Variants in C11orf21 observed in about 807,000 individuals in gnomAD.
C11orf21 encodes uncharacterized protein C11orf21.
Under a neutral mutation model 15.2 loss-of-function variants are expected in C11orf21, and 19 were observed. That is an observed-to-expected ratio of 1.25 (90% CI 0.87 to 1.84). The LOEUF is 1.84. Among genes scored for constraint, C11orf21 ranks in the 40% most tolerant of loss-of-function variants. The probability of loss-of-function intolerance (pLI) is 0.00; values close to 1 mark genes in which losing one functional copy is unlikely to be tolerated. For missense variants in C11orf21, 171 were observed against 174.4 expected (o/e 0.98, Z 0.11); for synonymous variants, 62 against 66.8 (o/e 0.93, Z 0.35).
At position 2,300,587 on chromosome 11, in the gene C11orf21, G is replaced by C; in HGVS notation, c.80C>G (p.Ser27Ter). 3 of 1,550,206 alleles carry C rather than the reference G, an allele frequency of 1.9e-6. No individual in the cohort carries two copies. The highest frequency in any genetic ancestry group is 2.6e-6 in the Non-Finnish European group (3 of 1,146,726). ...RSAVPRWPHL[S>*]SQSGVEPPDR... ...AGGGGGTTCGACGCCACTTTGAGATGACAAGTGAGGCCACCTGGGCACAGC... is the reference window on the plus strand; with the variant it reads ...AGGGGGTTCGACGCCACTTTGAGATCACAAGTGAGGCCACCTGGGCACAGC... Residue 27 changes from serine to a stop codon, truncating the protein, a stop_gained, in exon 2 of 4, where the codon TCA (serine) becomes TGA (stop). Coordinates refer to ENST00000381153, the MANE Select transcript of C11orf21 (RefSeq NM_001329958.2). LOFTEE classifies it high-confidence loss of function.
intron 1 of C11orf21, 89 bp downstream of exon 1, chr11:2,301,667 G>T: frequency 9.3e-7 from 1 of 1,069,726 alleles, no homozygotes; most frequent in Non-Finnish European, 1.3e-6. Flanking sequence ...CAATAATGAT[G>T]TTCCAAGGAG....
In C11orf21 at chr11:2,297,162, AC is replaced by A. The variant is rs1847544584; in HGVS notation, c.*787del. 6.6e-6 allele frequency: 1 copy of A among 152,376 alleles called. No individual in the cohort carries two copies. Among genetic ancestry groups the A allele is most frequent in the African/African-American group, 2.4e-5 (1 of 41,462 alleles). 9.4% of individuals were successfully genotyped at this position (152,376 alleles called of 1,614,324 possible). ...GCTCCCGAGACCCCTCACTGGGGACACAGGGGGGCCCTGCAGCCAGGGTGTC... is the reference window on the plus strand; with the variant it reads ...GCTCCCGAGACCCCTCACTGGGGACAAGGGGGGCCCTGCAGCCAGGGTGTC... On this transcript the variant is annotated 3_prime_UTR_variant, in exon 4 of 4. Transcript: ENST00000381153.
chr11:2,299,669 T>A lies in C11orf21; in HGVS notation c.186A>T (p.Gln62His), dbSNP rs1230011882. Reference protein sequence around the residue: ...PGSMMPPAAAQPSAHGALVPP... With the variant: ...PGSMMPPAAAHPSAHGALVPP... The stretch of plus-strand genomic sequence containing the variant: ...GAACAAGGGCACCATGGGCGGAGGG[T>A]TGGGCAGCTGCAGGTGGCATCATTG... The change falls in exon 3 of 4, where the codon CAA (glutamine) becomes CAT (histidine). Residue 62 changes from glutamine to histidine, a missense_variant. Coordinates refer to ENST00000381153, the MANE Select transcript of C11orf21 (RefSeq NM_001329958.2). 1.7e-5 allele frequency: 27 copies of A among 1,550,714 alleles called. No individual in the cohort carries two copies. The highest frequency in any genetic ancestry group is 2.3e-5 in the Non-Finnish European group (26 of 1,146,820).
Position 2,296,566 on chromosome 11 carries a change from C to A in C11orf21, c.*1384G>T, listed in dbSNP as rs531347006. 1 of 152,352 alleles carries A rather than the reference C, an allele frequency of 6.6e-6. No individual in the cohort carries two copies. Among genetic ancestry groups the A allele is most frequent in the Non-Finnish European group, 1.5e-5 (1 of 68,050 alleles). The allele number at this position is 152,352 out of a possible 1,614,324, so 9.4% of individuals were successfully genotyped here. A position where few individuals can be genotyped will look rare whatever the true frequency, so the allele number is the denominator to read the frequency against. On this transcript the variant is annotated 3_prime_UTR_variant, in exon 4 of 4. Coordinates refer to ENST00000381153, the MANE Select transcript of C11orf21 (RefSeq NM_001329958.2). This position sits in a 1 kb window ranked among gnomAD's most constrained non-coding sequence, Gnocchi z 5.6. Reference sequence around the variant, plus strand: ...ATGGCTGCAGGTCCCTGAGGGGAGACTGGGGAAAGAAGAATAATGTAAATT... The same window carrying A: ...ATGGCTGCAGGTCCCTGAGGGGAGAATGGGGAAAGAAGAATAATGTAAATT...
upstream of C11orf21, chr11:2,303,028 C>G (rs1301920535): frequency 7.2e-7 from 1 of 1,386,442 alleles, no homozygotes; most frequent in African/African-American, 1.4e-5. Flanking sequence ...ACGAGCCCAG[C>G]TGGACGCCTC....
rs868343705 is a variant in C11orf21, at chr11:2,300,517, G to C, written c.147+3C>G. 4.7e-5 allele frequency: 73 copies of C among 1,545,556 alleles called. No individual in the cohort carries two copies. The Middle Eastern group carries it at 1.0e-3, about 22-fold the overall frequency. ...GGCACAGTGAGGGGGGCTGTGGTCA[G>C]ACCTGGTCTCTGGAGGGCCAGCCGG... On this transcript the variant is annotated splice_donor_region_variant and intron_variant, in intron 2 of 3. Transcript: ENST00000381153.
upstream of C11orf21, chr11:2,302,119 G>A (rs375516709): frequency 4.0e-6 from 6 of 1,483,700 alleles, no homozygotes; most frequent in Non-Finnish European, 5.4e-6. Context: ...GAGGGGAAGG[G>A]AGGGGAGGAG....
At chr11:2,299,326 GA>G in intron 3 of C11orf21, 101 bp downstream of exon 3, 1 of 1,266,302 alleles carries the variant, frequency 7.9e-7, no homozygotes, top group Non-Finnish European at 1.1e-6. Flanking sequence ...CACTCGCTGT[GA>G]CGCAGGTGGG....
chr11:2,299,651 G>A lies in C11orf21; in HGVS notation c.204C>T (p.Ala68=). The stretch of plus-strand genomic sequence containing the variant: ...CATGAGCGGTGGCAGGTGGAACAAG[G>A]GCACCATGGGCGGAGGGTTGGGCAG... ...PAAAQPSAHG[A]LVPPATAHEP... Residue 68 remains alanine (A), a synonymous_variant, in exon 3 of 4, where the codon GCC becomes GCT. Coordinates refer to ENST00000381153, the MANE Select transcript of C11orf21 (RefSeq NM_001329958.2). 6.4e-7 allele frequency: 1 copy of A among 1,551,188 alleles called. No homozygotes were observed. The highest frequency in any genetic ancestry group is 1.2e-5 in the South Asian group (1 of 84,058).
rs113212744 is a variant in C11orf21, at chr11:2,301,867, C to T, written c.-59G>A. The T allele has an allele frequency of 4.5e-6, 7 of 1,549,866 alleles. No individual in the cohort carries two copies. The highest frequency in any genetic ancestry group is 2.7e-5 in the African/African-American group (2 of 73,164). On this transcript the variant is annotated 5_prime_UTR_variant, in exon 1 of 4. Transcript: ENST00000381153. ...CACACCAAGAACGAGGCCATGTCTTCCTGGGAAGGGCCTCAGATGTCAGCA... is the reference window on the plus strand; with the variant it reads ...CACACCAAGAACGAGGCCATGTCTTTCTGGGAAGGGCCTCAGATGTCAGCA...
intron 2 of C11orf21, among the ~76,000 whole-genome samples, chr11:2,300,099 G>GGA: frequency 9.1e-6 from 1 of 109,920 alleles, no homozygotes; most frequent in Non-Finnish European, 2.0e-5. Context: ...GGGGTGGGCA[G>GGA]GGGTTTGTGA....
At position 2,299,633 on chromosome 11, in the gene C11orf21, G is replaced by A. The variant is rs767078103; in HGVS notation, c.222C>T (p.Thr74=). The A allele has an allele frequency of 2.8e-5, 43 of 1,551,160 alleles. No homozygotes were observed. Among genetic ancestry groups the A allele is most frequent in the East Asian group, 4.9e-5 (2 of 40,894 alleles). Residue 74 remains threonine (T), a synonymous_variant, in exon 3 of 4, where the codon ACC becomes ACT. Coordinates refer to ENST00000381153, the MANE Select transcript of C11orf21 (RefSeq NM_001329958.2). The part of the protein sequence containing the change: ...SAHGALVPPA[T]AHEPVDHPAL... ...CTGGGTGATCCACAGGTTCATGAGC[G>A]GTGGCAGGTGGAACAAGGGCACCAT...
At chr11:2,300,895 A>T in intron 1 of C11orf21, 1 of 819,536 alleles carries the variant, frequency 1.2e-6, no homozygotes. Context: ...CCACCCCTAC[A>T]TTCATACCTG....
At chr11:2,301,444 C>T (rs1032229165) in intron 1 of C11orf21, 41 of 286,936 alleles carry the variant, frequency 1.4e-4, no homozygotes, top group Admixed American at 5.3e-4. Context: ...CGTAATTACA[C>T]GGCTCGGTGT....
At chr11:2,300,961 G>C in intron 1 of C11orf21, 1 of 608,582 alleles carries the variant, frequency 1.6e-6, no homozygotes, top group Non-Finnish European at 3.0e-6. Flanking sequence ...GTGGGTGCCA[G>C]GCATCTGAGG....
At chr11:2,299,741 G>A (rs568083449) in intron 2 of C11orf21, 34 bp from the exon 3 acceptor site, 57 of 1,547,362 alleles carry the variant, frequency 3.7e-5, no homozygotes, top group South Asian at 4.8e-5. Flanking sequence ...GTGAGCGGGC[G>A]CACCTGGGAC....
intron 2 of C11orf21, 94 bp downstream of exon 2, chr11:2,300,425 TG>T (rs904889021): frequency 2.7e-6 from 2 of 748,176 alleles, no homozygotes; most frequent in Non-Finnish European, 4.2e-6. Flanking sequence ...GAGGGAATGT[TG>T]GGGTGGGAGG....
In C11orf21 at chr11:2,299,467, G is replaced by C. The variant is rs1475777948; in HGVS notation, c.388C>G (p.Leu130Val). Residue 130 changes from leucine (L) to valine (V), a missense_variant, in exon 3 of 4, where the codon CTA becomes GTA. Transcript: ENST00000381153. ...AAAGGGTCCCTGTCTCAGGAAGGTAGAGGCTGCCACCTCCTGGCCCGAGGA... is the reference window on the plus strand; with the variant it reads ...AAAGGGTCCCTGTCTCAGGAAGGTACAGGCTGCCACCTCCTGGCCCGAGGA... Reference protein sequence around the residue: ...LCPRARRWQPLPS With the variant: ...LCPRARRWQPVPS The C allele has an allele frequency of 6.5e-7, 1 of 1,550,234 alleles. No homozygotes were observed. Among genetic ancestry groups the C allele is most frequent in the Non-Finnish European group, 8.7e-7 (1 of 1,146,884 alleles).
At chr11:2,300,481 C>G (rs1391536045) in intron 2 of C11orf21, 39 bp downstream of exon 2, 3 of 1,373,536 alleles carry the variant, frequency 2.2e-6, no homozygotes, top group Non-Finnish European at 3.0e-6. Flanking sequence ...GCTCCCTGCC[C>G]CCGCTGGTGG....
Sources: allele counts gnomAD v4.1 joint callset (sites outside exome capture counted in the v4.1 genomes callset), GRCh38; gene constraint gnomAD v4.1.1; non-coding constraint Gnocchi (gnomAD v3.1); transcripts MANE v1.5; gene names NCBI Gene and HGNC (gene_info 2026-07-23, HGNC 2026-07-21).